The following ZBTB47 variants were observed in gnomAD, a reference collection of about 807,000 sequenced individuals.
ZBTB47 encodes the protein zinc finger and BTB domain-containing protein 47.
ZBTB47 carries 24 observed loss-of-function variants against 56.6 expected under a neutral mutation model. The ratio of observed to expected loss-of-function variants is 0.42; its 90% CI spans 0.31 to 0.60. The LOEUF is 0.60. ZBTB47 is among the 20% of genes least tolerant of loss of function. The pLI is 0.14. For missense variants in ZBTB47, 829 were observed against 1,032.6 expected (o/e 0.80, Z 2.70); for synonymous variants, 414 against 418.9 (o/e 0.99, Z 0.14).
chr3:42,658,173 G>C, intron 1 of ZBTB47, 102 bp from the exon 2 acceptor site: 1 of 1,278,570 alleles, frequency 7.8e-7, no homozygotes, highest in Non-Finnish European at 1.0e-6. Flanking sequence ...ACGAGTGATG[G>C]GCTGCCTCCT....
Position 42,659,216 on chromosome 3 carries a change from GGAGGAAGAA to G in ZBTB47, c.870_878del (p.Glu292_Glu294del), listed in dbSNP as rs772537128. On this transcript the variant is annotated inframe_deletion, in exon 2 of 6. Transcript: ENST00000232974. ...AGGAGGAGGACGACGAGGAGGAGGA[GGAGGAAGAA>G]GAGGAAGAGGAAGGTGGTGGCAGTG... is the stretch of plus-strand genomic sequence containing the variant. The G allele has an allele frequency of 2.2e-5, 34 of 1,529,402 alleles. No homozygotes were observed. The highest frequency in any genetic ancestry group is 2.8e-5 in the Non-Finnish European group (32 of 1,143,266). The allele number at this position is 1,529,402 out of a possible 1,614,324, so 94.7% of individuals were successfully genotyped here.
At position 42,656,853 on chromosome 3, in the gene ZBTB47, G is replaced by T. The variant is rs1710645990; in HGVS notation, c.-81-1422G>T. 6.6e-6 allele frequency among the ~76,000 whole-genome samples: 1 copy of T among 152,188 alleles called. No homozygotes were observed. The highest frequency in any genetic ancestry group is 2.4e-5 in the African/African-American group (1 of 41,438). On this transcript the variant is annotated intron_variant, in intron 1 of 5. Transcript: ENST00000232974. This position sits in a 1 kb window ranked among gnomAD's most constrained non-coding sequence, Gnocchi z 5.8. ...GGAAGGCCTGGCATGGGGAAGGGGG[G>T]CGGTAGGCTGTGGATGGATGGGGCC...
Position 42,666,484 on chromosome 3 carries a change from T to A in ZBTB47, c.*1886T>A, listed in dbSNP as rs978163825. ...AGGGTCCCCCCCTCCCTGTTGCTATTTTTAATCTCTAGTCCCAGTGCCTGG... is the reference window on the plus strand; with the variant it reads ...AGGGTCCCCCCCTCCCTGTTGCTATATTTAATCTCTAGTCCCAGTGCCTGG... On this transcript the variant is annotated 3_prime_UTR_variant, in exon 6 of 6. Coordinates refer to ENST00000232974, the MANE Select transcript of ZBTB47 (RefSeq NM_145166.4). 1.3e-5 allele frequency among the ~76,000 whole-genome samples: 2 copies of A among 152,196 alleles called. No individual in the cohort carries two copies. Among genetic ancestry groups the A allele is most frequent in the African/African-American group, 4.8e-5 (2 of 41,452 alleles).
chr3:42,663,867 A>T lies in ZBTB47; in HGVS notation c.1808A>T (p.Gln603Leu). 2 of 1,613,952 alleles carry T rather than the reference A, an allele frequency of 1.2e-6. No homozygotes were observed. Among genetic ancestry groups the T allele is most frequent in the African/African-American group, 1.3e-5 (1 of 75,026 alleles). ...SHMSIHIGHK[Q>L]FMCQWCGKDF... Reference sequence around the variant, plus strand: ...ATGAGCATCCACATTGGCCACAAGCAGTTCATGTGCCAATGGTGCGGCAAG... The same window carrying T: ...ATGAGCATCCACATTGGCCACAAGCTGTTCATGTGCCAATGGTGCGGCAAG... The change falls in exon 5 of 6, where the codon CAG becomes CTG. Residue 603 changes from glutamine to leucine, a missense_variant. Around this residue, in one of 6 missense-constraint regions of ZBTB47, gnomAD observed 4 missense variants for 25.6 expected, o/e 0.16. Coordinates refer to ENST00000232974, the MANE Select transcript of ZBTB47 (RefSeq NM_145166.4). The surrounding 1 kb of genome is among the most constrained non-coding windows in gnomAD (Gnocchi z 5.1).
Position 42,659,737 on chromosome 3 carries a change from G to A in ZBTB47, c.1382G>A (p.Arg461His), listed in dbSNP as rs748657390. ...AAACACATGAATGTGACCCACAGCCGCATGCAGATCTGCGACCAGTGCGGC... is the reference window on the plus strand; with the variant it reads ...AAACACATGAATGTGACCCACAGCCACATGCAGATCTGCGACCAGTGCGGC... The part of the protein sequence containing the change: ...LEKHMNVTHS[R>H]MQICDQCGKR... Residue 461 changes from arginine to histidine, a missense_variant, in exon 2 of 6, where the codon CGC (arginine) becomes CAC (histidine). By Grantham distance (29) the Arg-to-His change is conservative. This residue lies in a region of ZBTB47 where 187 missense variants were observed against 253.1 expected (regional missense o/e 0.74). Coordinates refer to ENST00000232974, the MANE Select transcript of ZBTB47 (RefSeq NM_145166.4). 4.3e-6 allele frequency: 7 copies of A among 1,613,800 alleles called. No individual in the cohort carries two copies. Among genetic ancestry groups the A allele is most frequent in the South Asian group, 1.1e-5 (1 of 91,032 alleles).
Position 42,659,500 on chromosome 3 carries a change from G to T in ZBTB47, c.1145G>T (p.Arg382Leu). 1 of 1,536,912 alleles carries T rather than the reference G, an allele frequency of 6.5e-7. No homozygotes were observed. Among genetic ancestry groups the T allele is most frequent in the East Asian group, 2.3e-5 (1 of 44,208 alleles). ...PPHSHMATRSRENARRRGTPE... is the reference protein window; with the variant it reads ...PPHSHMATRSLENARRRGTPE... ...CACAGTCACATGGCCACACGGTCCC[G>T]GGAGAACGCCCGGCGCCGGGGTACC... is the stretch of plus-strand genomic sequence containing the variant. Residue 382 changes from arginine to leucine, a missense_variant, in exon 2 of 6, where the codon CGG becomes CTG. Physicochemically the swap from Arg to Leu is moderately radical, Grantham distance 102. Around this residue, in one of 6 missense-constraint regions of ZBTB47, gnomAD observed 359 missense variants for 359.8 expected, o/e 1.00. Coordinates refer to ENST00000232974, the MANE Select transcript of ZBTB47 (RefSeq NM_145166.4).
Position 42,661,523 on chromosome 3 carries a change from C to T in ZBTB47, c.1512C>T (p.Ser504=). ...GCAAAGCTTTCAAGAAGCTTTGGTC[C>T]CTCCATGAGCATAACAAGATTGTGC... ...TCGKAFKKLW[S]LHEHNKIVHG... The change falls in exon 3 of 6, where the codon TCC becomes TCT. Residue 504 remains serine (S), a synonymous_variant. Coordinates refer to ENST00000232974, the MANE Select transcript of ZBTB47 (RefSeq NM_145166.4). The T allele has an allele frequency of 6.2e-7, 1 of 1,613,976 alleles. No individual in the cohort carries two copies. The highest frequency in any genetic ancestry group is 8.5e-7 in the Non-Finnish European group (1 of 1,179,870).
At chr3:42,661,119 G>C (rs945249434) in intron 2 of ZBTB47, among the ~76,000 whole-genome samples, 1 of 152,164 alleles carries the variant, frequency 6.6e-6, no homozygotes. Flanking sequence ...TTATCTCTGC[G>C]TGTAGCCTCC....
chr3:42,665,815 C>A lies in ZBTB47; in HGVS notation c.*1217C>A, dbSNP rs1355796080. The A allele has an allele frequency of 2.0e-5, 3 of 152,694 alleles. No individual in the cohort carries two copies. The highest frequency in any genetic ancestry group is 7.2e-5 in the African/African-American group (3 of 41,476). 9.5% of individuals were successfully genotyped at this position (152,694 alleles called of 1,614,324 possible). A position where few individuals can be genotyped will look rare whatever the true frequency, so the allele number is the denominator to read the frequency against. On this transcript the variant is annotated 3_prime_UTR_variant, in exon 6 of 6. Coordinates refer to ENST00000232974, the MANE Select transcript of ZBTB47 (RefSeq NM_145166.4). Reference sequence around the variant, plus strand: ...CAGCCTAGACCCAATTGCTTGCCCCCATGAGGCTAGCACTAATAGGAAACC... The same window carrying A: ...CAGCCTAGACCCAATTGCTTGCCCCAATGAGGCTAGCACTAATAGGAAACC...
In ZBTB47 at chr3:42,654,531, G is replaced by A. The variant is rs1029665317; in HGVS notation, c.-82+648G>A. ...GCTGCTTGGCGCTGGACTCGCCGCGGCCCTGCGCCTCCGCCTGCCTGGCCG... is the reference window on the plus strand; with the variant it reads ...GCTGCTTGGCGCTGGACTCGCCGCGACCCTGCGCCTCCGCCTGCCTGGCCG... On this transcript the variant is annotated intron_variant, in intron 1 of 5. Transcript: ENST00000232974. The surrounding 1 kb of genome is among the most constrained non-coding windows in gnomAD (Gnocchi z 5.0). 1.4e-5 allele frequency: 3 copies of A among 217,630 alleles called. No homozygotes were observed. The highest frequency in any genetic ancestry group is 7.1e-5 in the African/African-American group (3 of 42,340). The allele number at this position is 217,630 out of a possible 1,614,324, so 13.5% of individuals were successfully genotyped here. A position where few individuals can be genotyped will look rare whatever the true frequency, so the allele number is the denominator to read the frequency against.
chr3:42,657,749 G>A (rs1710655657), intron 1 of ZBTB47, among the ~76,000 whole-genome samples: 1 of 152,200 alleles, frequency 6.6e-6, no homozygotes, highest in African/African-American at 2.4e-5. Context: ...GGTGTTTGGG[G>A]CTGGGCAAGC....
intron 1 of ZBTB47, 87 bp from the exon 2 acceptor site, chr3:42,658,188 G>A: frequency 9.5e-6 from 13 of 1,363,002 alleles, no homozygotes; most frequent in Non-Finnish European, 1.3e-5. Flanking sequence ...CCTCCTGGAT[G>A]GCTGGCAATG....
At chr3:42,664,065 C>T (rs1476141713) in intron 5 of ZBTB47, 124 bp downstream of exon 5, 21 of 1,469,974 alleles carry the variant, frequency 1.4e-5, no homozygotes, top group Non-Finnish European at 1.9e-5. Context: ...TTTACCCATG[C>T]TTCCTGCCTC....
At position 42,664,790 on chromosome 3, in the gene ZBTB47, A is replaced by T; in HGVS notation, c.*192A>T. On this transcript the variant is annotated 3_prime_UTR_variant, in exon 6 of 6. Transcript: ENST00000232974. ...GGCTGGCAGGCCCCAGAGCTGGTGG[A>T]GGGCATCTCACTCCCAAGTGCCCCC... The T allele has an allele frequency of 1.9e-6, 1 of 516,358 alleles. No individual in the cohort carries two copies. The highest frequency in any genetic ancestry group is 3.0e-6 in the Non-Finnish European group (1 of 335,494). 32.0% of individuals were successfully genotyped at this position (516,358 alleles called of 1,614,324 possible).
chr3:42,664,642 G>A lies in ZBTB47; in HGVS notation c.*44G>A. The A allele has an allele frequency of 2.2e-6, 3 of 1,387,692 alleles. No homozygotes were observed. The highest frequency in any genetic ancestry group is 2.8e-6 in the Non-Finnish European group (3 of 1,081,490). The allele number at this position is 1,387,692 out of a possible 1,614,324, so 86.0% of individuals were successfully genotyped here. A position where few individuals can be genotyped will look rare whatever the true frequency, so the allele number is the denominator to read the frequency against. On this transcript the variant is annotated 3_prime_UTR_variant, in exon 6 of 6. Coordinates refer to ENST00000232974, the MANE Select transcript of ZBTB47 (RefSeq NM_145166.4). ...GCACCCGCTGGGGCCTGGAGTCAGG[G>A]CCCACTCCAGGAGGGACCCACTGCC... is the stretch of plus-strand genomic sequence containing the variant.
intron 1 of ZBTB47, 94 bp from the exon 2 acceptor site, chr3:42,658,181 C>T: frequency 1.5e-6 from 2 of 1,343,574 alleles, no homozygotes; most frequent in Non-Finnish European, 2.0e-6. Flanking sequence ...TGGGCTGCCT[C>T]CTGGATGGCT....
chr3:42,655,157 C>T (rs2125835568), intron 1 of ZBTB47, among the ~76,000 whole-genome samples: 1 of 152,324 alleles, frequency 6.6e-6, no homozygotes, highest in Non-Finnish European at 1.5e-5. Flanking sequence ...ATCCCCCGCC[C>T]TCTCTGGGTC....
intron 2 of ZBTB47, among the ~76,000 whole-genome samples, chr3:42,660,377 A>G (rs937160551): frequency 2.0e-5 from 3 of 152,242 alleles, no homozygotes; most frequent in Non-Finnish European, 4.4e-5. Flanking sequence ...AGCAGGAGGC[A>G]GCCCCCACTT....
chr3:42,654,651 G>A lies in ZBTB47; in HGVS notation c.-82+768G>A, dbSNP rs1710614903. 1 of 984,488 alleles carries A rather than the reference G, an allele frequency of 1.0e-6. No individual in the cohort carries two copies. The highest frequency in any genetic ancestry group is 1.2e-6 in the Non-Finnish European group (1 of 829,522). The allele number at this position is 984,488 out of a possible 1,614,324, so 61.0% of individuals were successfully genotyped here. On this transcript the variant is annotated intron_variant, in intron 1 of 5. Coordinates refer to ENST00000232974, the MANE Select transcript of ZBTB47 (RefSeq NM_145166.4). The surrounding 1 kb of genome is among the most constrained non-coding windows in gnomAD (Gnocchi z 5.0). ...CCCTGGCCTGGCCGCCGGGGGCAGC[G>A]CGATCCCGCGGGGCCCTGTGAGCCC...
Sources: gnomAD v4.1 joint callset for allele counts (sites outside exome capture counted in the v4.1 genomes callset) on GRCh38, gnomAD v4.1.1 for gene constraint, gnomAD v4.1.1 regional missense constraint, Gnocchi (gnomAD v3.1) non-coding constraint, MANE v1.5 for transcripts, NCBI Gene and HGNC (gene_info 2026-07-23, HGNC 2026-07-21) for gene names.